IGSF21: variants seen among roughly 807,000 people sequenced by gnomAD.
IGSF21 encodes the protein immunoglobin superfamily member 21.
IGSF21 carries 28 observed loss-of-function variants against 46.8 expected under a neutral mutation model. That is an observed-to-expected ratio of 0.60 (90% CI 0.44 to 0.82). IGSF21 has a LOEUF of 0.82. Ranked by LOEUF, IGSF21 falls within the 40% of genes least tolerant of loss-of-function variation. IGSF21 has a pLI of 0.00. For missense variants in IGSF21, 624 were observed against 665.5 expected, an observed-to-expected ratio of 0.94 and a Z score of 0.69; for synonymous variants, 284 against 273.6, an observed-to-expected ratio of 1.04 and a Z score of -0.38.
intron 4 of IGSF21, among the ~76,000 whole-genome samples, chr1:18,351,588 G>A (rs2085955897): frequency 1.3e-5 from 2 of 152,154 alleles, no homozygotes; most frequent in Admixed American, 1.3e-4. Flanking sequence ...AGCTTATAAG[G>A]AGCTGGTGCT....
rs1311222862 is a variant in IGSF21 at position 18,116,007 on chromosome 1, A to G, written c.70+7809A>G. On this transcript the variant is annotated intron_variant, in intron 1 of 9. Transcript: ENST00000251296. ...TTCACACATAACATCATACTCAACT[A>G]TCCCAGAAATGCCTGTTTGGGAGAT... 7 of 152,196 alleles carry G rather than the reference A, an allele frequency of 4.6e-5. No individual in the cohort carries two copies. In the East Asian group the frequency reaches 1.3e-3, roughly 29 times the overall value. 9.4% of individuals were successfully genotyped at this position (152,196 alleles called of 1,614,324 possible). A position where few individuals can be genotyped will look rare whatever the true frequency, so the allele number is the denominator to read the frequency against.
intron 5 of IGSF21, among the ~76,000 whole-genome samples, chr1:18,364,052 G>A (rs2086132570): frequency 6.6e-6 from 1 of 151,980 alleles, no homozygotes; most frequent in Non-Finnish European, 1.5e-5. Context: ...ACAAAGAAAG[G>A]CTTTTCACAG....
At position 18,302,993 on chromosome 1, in the gene IGSF21, A is replaced by T. The variant is rs553895112; in HGVS notation, c.305+11006A>T. ...CTCCCCAGGGAGGGAAGCACTTGCA[A>T]AGCTGTCTGCTGCCCTCTGGTGATG... On this transcript the variant is annotated intron_variant, in intron 3 of 9. Transcript: ENST00000251296. 2.6e-5 allele frequency among the ~76,000 whole-genome samples: 4 copies of T among 152,236 alleles called. No homozygotes were observed. The South Asian group carries it at 8.3e-4, about 32-fold the overall frequency.
At chr1:18,350,403 C>A (rs1324943329) in intron 4 of IGSF21, among the ~76,000 whole-genome samples, 2 of 152,200 alleles carry the variant, frequency 1.3e-5, no homozygotes, top group African/African-American at 2.4e-5. Context: ...GACACCCTCA[C>A]TCTCAATCAA....
chr1:18,182,173 CTTT>C (rs35016415), intron 1 of IGSF21, among the ~76,000 whole-genome samples: 4 of 108,942 alleles, frequency 3.7e-5, no homozygotes, highest in Admixed American at 2.2e-4. Context: ...TGAAAGGTGT[CTTT>C]TTTTTTTTTT....
chr1:18,213,381 T>C (rs1195158275), intron 1 of IGSF21, among the ~76,000 whole-genome samples: 1 of 152,192 alleles, frequency 6.6e-6, no homozygotes, highest in Non-Finnish European at 1.5e-5. Flanking sequence ...TTGGGGACCA[T>C]AGGAGGACTT....
chr1:18,359,508 G>GAAGGAAGGAAGA lies in IGSF21; in HGVS notation c.425-2601_425-2600insGGAAGAAAGGAA, dbSNP rs1429382390. Among the ~76,000 whole-genome samples, 60 of 64,136 alleles carry GAAGGAAGGAAGA rather than the reference G, an allele frequency of 9.4e-4. 3 individuals are homozygous for GAAGGAAGGAAGA. Among genetic ancestry groups the GAAGGAAGGAAGA allele is most frequent in the African/African-American group, 4.4e-3 (60 of 13,528 alleles). 42.1% of individuals were successfully genotyped at this position (64,136 alleles called of 152,430 possible). On this transcript the variant is annotated intron_variant, in intron 4 of 9. Coordinates refer to ENST00000251296, the MANE Select transcript of IGSF21 (RefSeq NM_032880.5). Reference sequence around the variant, plus strand: ...GGAAGGAAGGAAGGAAGGAAGGAAGGAAGGAAAAGCAATCCTCTCCTCTCA... The same window carrying GAAGGAAGGAAGA: ...GGAAGGAAGGAAGGAAGGAAGGAAGGAAGGAAGGAAGAAAGGAAAAGCAATCCTCTCCTCTCA...
chr1:18,135,677 T>A (rs1195456829), intron 1 of IGSF21, among the ~76,000 whole-genome samples: 2 of 152,162 alleles, frequency 1.3e-5, no homozygotes, highest in African/African-American at 2.4e-5. Context: ...GACATTTGGG[T>A]TGGTTCCAAG....
At chr1:18,329,297 C>A (rs1384989788) in intron 3 of IGSF21, among the ~76,000 whole-genome samples, 1 of 152,192 alleles carries the variant, frequency 6.6e-6, no homozygotes, top group Non-Finnish European at 1.5e-5. Flanking sequence ...ATATTGGCAC[C>A]TCCCCAGATG....
chr1:18,287,553 G>A (rs891583441), intron 2 of IGSF21, among the ~76,000 whole-genome samples: 1 of 152,140 alleles, frequency 6.6e-6, no homozygotes, highest in African/African-American at 2.4e-5. Flanking sequence ...AGTGCCTCTC[G>A]CTCTGGGGCC....
intron 1 of IGSF21, among the ~76,000 whole-genome samples, chr1:18,156,085 G>A (rs1235447472): frequency 1.6e-4 from 25 of 152,194 alleles, no homozygotes; most frequent in Admixed American, 1.4e-3. Context: ...TCTCACACGC[G>A]ACAGGCTGGC....
intron 3 of IGSF21, among the ~76,000 whole-genome samples, chr1:18,327,499 A>C (rs1243203091): frequency 6.6e-6 from 1 of 152,226 alleles, no homozygotes; most frequent in Non-Finnish European, 1.5e-5. Flanking sequence ...CCAGGTGTCC[A>C]TCAACAGGAG....
At chr1:18,174,409 A>T (rs936326225) in intron 1 of IGSF21, among the ~76,000 whole-genome samples, 7 of 152,212 alleles carry the variant, frequency 4.6e-5, no homozygotes, top group African/African-American at 1.4e-4. Flanking sequence ...TGCTGATGAA[A>T]TGAAGCTTTG....
At chr1:18,168,314 G>A (rs528824619) in intron 1 of IGSF21, among the ~76,000 whole-genome samples, 20 of 152,228 alleles carry the variant, frequency 1.3e-4, no homozygotes, top group African/African-American at 4.6e-4. Flanking sequence ...GGTGATATAC[G>A]GAGGCTTTTA....
intron 2 of IGSF21, among the ~76,000 whole-genome samples, chr1:18,233,386 C>G (rs1333578028): frequency 6.6e-6 from 1 of 152,092 alleles, no homozygotes; most frequent in Non-Finnish European, 1.5e-5. Context: ...TGCTTGGGAC[C>G]ATTTGAAAAG....
chr1:18,213,158 A>G lies in IGSF21; in HGVS notation c.71-14740A>G, dbSNP rs74058380. 5.3e-3 allele frequency among the ~76,000 whole-genome samples: 812 copies of G among 152,332 alleles called. 7 individuals carry two copies. The highest frequency in any genetic ancestry group is 0.018 in the African/African-American group (767 of 41,576). On this transcript the variant is annotated intron_variant, in intron 1 of 9. Coordinates refer to ENST00000251296, the MANE Select transcript of IGSF21 (RefSeq NM_032880.5). ...ATGGGAAACCTCCTTTGGGATGCCA[A>G]TTCAGCAACAGTATGGCCAGACCCA...
In IGSF21 at chr1:18,171,423, C is replaced by T. The variant is rs111325111; in HGVS notation, c.71-56475C>T. On this transcript the variant is annotated intron_variant, in intron 1 of 9. Transcript: ENST00000251296. The stretch of plus-strand genomic sequence containing the variant: ...GGAACAGGAAGTGCCTGAAGGTCCA[C>T]GATTCCTGGCAAGGGCTAAGTAATA... 4.9e-3 allele frequency among the ~76,000 whole-genome samples: 750 copies of T among 152,200 alleles called. 7 individuals are homozygous for T. Among genetic ancestry groups the T allele is most frequent in the African/African-American group, 0.017 (693 of 41,544 alleles).
rs1570309260 is a variant in IGSF21, at chr1:18,180,662, G to A, written c.71-47236G>A. Among the ~76,000 whole-genome samples, 5 of 152,274 alleles carry A rather than the reference G, an allele frequency of 3.3e-5. No individual in the cohort carries two copies. In the South Asian group the frequency reaches 1.0e-3, roughly 32 times the overall value. On this transcript the variant is annotated intron_variant, in intron 1 of 9. Coordinates refer to ENST00000251296, the MANE Select transcript of IGSF21 (RefSeq NM_032880.5). ...TTCTGTCTGCACCAGAGCCTTCTAG[G>A]CTCTTTGTTGGAAACTGTGGATGTC...
chr1:18,261,128 C>T, intron 2 of IGSF21, among the ~76,000 whole-genome samples: 1 of 152,242 alleles, frequency 6.6e-6, no homozygotes, highest in East Asian at 1.9e-4. Context: ...CTCTGTTCCT[C>T]CTCCCACTTC....
Sources: allele counts gnomAD v4.1 joint callset (sites outside exome capture counted in the v4.1 genomes callset), GRCh38; gene constraint gnomAD v4.1.1; transcripts MANE v1.5; gene names NCBI Gene and HGNC (gene_info 2026-07-23, HGNC 2026-07-21).